SMCO2: variants seen among roughly 807,000 people sequenced by gnomAD.
SMCO2 encodes the protein single-pass membrane and coiled-coil domain-containing protein 2.
A neutral mutation model predicts 29.5 loss-of-function variants in SMCO2; 25 were observed. The observed-to-expected ratio is 0.85, with a 90% CI of 0.62 to 1.18. The LOEUF (loss-of-function observed/expected upper bound fraction) is 1.18. SMCO2 is among the 50% of genes most tolerant of loss of function. The probability of loss-of-function intolerance (pLI) is 0.00; values close to 1 mark genes in which losing one functional copy is unlikely to be tolerated. For missense variants in SMCO2, 348 were observed against 344.5 expected (o/e 1.01, Z -0.08); for synonymous variants, 117 against 123.3 (o/e 0.95, Z 0.34).
rs148730468 is a variant in SMCO2 at position 27,480,317 on chromosome 12, T to G, written c.362+5404T>G. Among the ~76,000 whole-genome samples, 169 of 152,168 alleles carry G rather than the reference T, an allele frequency of 1.1e-3. 1 individual carries two copies. Among genetic ancestry groups the G allele is most frequent in the African/African-American group, 3.8e-3 (159 of 41,488 alleles). On this transcript the variant is annotated intron_variant, in intron 4 of 7. Coordinates refer to ENST00000298876, the Ensembl canonical transcript of SMCO2. ...CCCAGTCCACTGACTCAAATGTCAA[T>G]CTCCTCTGGCAACACCCTCACAGAC...
chr12:27,491,164 T>G (rs1248415025), intron 5 of SMCO2, among the ~76,000 whole-genome samples: 1 of 152,032 alleles, frequency 6.6e-6, no homozygotes, highest in African/African-American at 2.4e-5. Context: ...CACTTATTCC[T>G]CATAAAGAAA....
At chr12:27,449,738 G>A in the SMCO2 span, among the ~76,000 whole-genome samples, 1 of 152,182 alleles carries the variant, frequency 6.6e-6, no homozygotes, top group Non-Finnish European at 1.5e-5. Flanking sequence ...TCCCCTCTTG[G>A]TACATTGGAC....
At chr12:27,491,683 T>G in intron 5 of SMCO2, among the ~76,000 whole-genome samples, 1 of 151,112 alleles carries the variant, frequency 6.6e-6, no homozygotes, top group Non-Finnish European at 1.5e-5. Flanking sequence ...TATAAATATA[T>G]ATAATGTATT....
At chr12:27,481,163 G>C (rs1949639577) in intron 4 of SMCO2, among the ~76,000 whole-genome samples, 1 of 152,240 alleles carries the variant, frequency 6.6e-6, no homozygotes, top group African/African-American at 2.4e-5. Context: ...TTGGGCCCCA[G>C]GGCAGGAGGT....
chr12:27,473,052 C>A, intron 3 of SMCO2, 177 bp downstream of exon 3: 1 of 534,330 alleles, frequency 1.9e-6, no homozygotes, highest in Non-Finnish European at 3.3e-6. Context: ...ATTGTTCCCA[C>A]TGGATGCTGC....
chr12:27,492,553 C>T (rs1942931276), intron 5 of SMCO2, among the ~76,000 whole-genome samples: 2 of 152,122 alleles, frequency 1.3e-5, no homozygotes, highest in Admixed American at 1.3e-4. Flanking sequence ...AGAAGACATA[C>T]ATGCGGCCAA....
chr12:27,433,611 A>C, the SMCO2 span, among the ~76,000 whole-genome samples: 4 of 152,222 alleles, frequency 2.6e-5, no homozygotes, highest in African/African-American at 7.2e-5. Context: ...CTAAAACTCT[A>C]CCCAACTTTT....
the SMCO2 span, among the ~76,000 whole-genome samples, chr12:27,425,766 G>A: frequency 6.6e-6 from 1 of 151,726 alleles, no homozygotes; most frequent in Non-Finnish European, 1.5e-5. Flanking sequence ...TCTGTTGTGT[G>A]GTTGCAGTAT....
exon 7 of SMCO2, chr12:27,495,790 G>A (rs754957022): frequency 2.6e-5 from 40 of 1,538,876 alleles, no homozygotes; most frequent in Non-Finnish European, 3.1e-5. Context: ...AAGAGATGGA[G>A]GCCCTGCTTC....
At chr12:27,472,321 G>A (rs1949547519) in intron 2 of SMCO2, among the ~76,000 whole-genome samples, 2 of 152,066 alleles carry the variant, frequency 1.3e-5, no homozygotes, top group South Asian at 4.1e-4. Flanking sequence ...TAGCATCTCT[G>A]TTGAAAATAA....
chr12:27,486,359 T>G (rs1482953195), intron 4 of SMCO2, among the ~76,000 whole-genome samples: 1 of 152,140 alleles, frequency 6.6e-6, no homozygotes, highest in Non-Finnish European at 1.5e-5. Flanking sequence ...GCATCCCCTT[T>G]CTCTGACTTG....
intron 4 of SMCO2, among the ~76,000 whole-genome samples, chr12:27,482,827 A>G (rs1949656818): frequency 6.6e-6 from 1 of 152,162 alleles, no homozygotes; most frequent in Non-Finnish European, 1.5e-5. Flanking sequence ...CCCAGGCTCA[A>G]GCAATCCTTC....
chr12:27,471,899 A>G (rs1187832372), intron 2 of SMCO2, among the ~76,000 whole-genome samples: 1 of 152,188 alleles, frequency 6.6e-6, no homozygotes, highest in Admixed American at 6.5e-5. Flanking sequence ...TAGAATATAC[A>G]TATCTATTGA....
In SMCO2 at chr12:27,498,976, C is replaced by T. The variant is rs1169429358; in HGVS notation, c.684-2947C>T. On this transcript the variant is annotated intron_variant, in intron 7 of 7. Transcript: ENST00000298876. ...GAGGATGTGGAGAAATTGGAACCCT[C>T]GTATATCACTGGTGGGATTGCGAAA... 2.0e-5 allele frequency among the ~76,000 whole-genome samples: 3 copies of T among 150,646 alleles called. 1 individual carries two copies. The highest frequency in any genetic ancestry group is 5.0e-5 in the African/African-American group (2 of 40,320).
chr12:27,426,651 T>C, the SMCO2 span, among the ~76,000 whole-genome samples: 1 of 152,252 alleles, frequency 6.6e-6, no homozygotes, highest in Non-Finnish European at 1.5e-5. Flanking sequence ...ATTAGTGTTA[T>C]AGAGAAGCTT....
At position 27,496,061 on chromosome 12, in the gene SMCO2, T is replaced by C. The variant is rs985487942; in HGVS notation, c.683+206T>C. On this transcript the variant is annotated intron_variant, in intron 7 of 7. Transcript: ENST00000298876. ...ATAAAGATCTATTGCATTCGATATA[T>C]ATAGATTGCTTTCTTACTGCTTCAG... 4.6e-5 allele frequency among the ~76,000 whole-genome samples: 7 copies of C among 150,646 alleles called. 1 individual carries two copies. The highest frequency in any genetic ancestry group is 1.9e-4 in the East Asian group (1 of 5,188).
chr12:27,496,498 A>C (rs555095007), intron 7 of SMCO2, among the ~76,000 whole-genome samples: 1 of 150,614 alleles, frequency 6.6e-6, no homozygotes, highest in Non-Finnish European at 1.5e-5. Context: ...TTCATAAGAA[A>C]TTTGAAAAGT....
At chr12:27,495,158 A>G (rs1942982500) in intron 6 of SMCO2, among the ~76,000 whole-genome samples, 1 of 152,174 alleles carries the variant, frequency 6.6e-6, no homozygotes, top group Non-Finnish European at 1.5e-5. Context: ...TATCTTGAGT[A>G]GATGTCCCCA....
At chr12:27,466,433 A>T (rs1214478701), upstream of SMCO2, among the ~76,000 whole-genome samples, 2 of 152,134 alleles carry the variant, frequency 1.3e-5, no homozygotes, top group Admixed American at 6.5e-5. Flanking sequence ...TAAAATAAAA[A>T]AAGGAAGATC....
Sources: allele counts gnomAD v4.1 joint callset (sites outside exome capture counted in the v4.1 genomes callset), GRCh38; gene constraint gnomAD v4.1.1; transcripts MANE v1.5; gene names NCBI Gene and HGNC (gene_info 2026-07-23, HGNC 2026-07-21).